ENTPD8: variants seen among roughly 807,000 people sequenced by gnomAD.
ENTPD8 encodes the protein ectonucleoside triphosphate diphosphohydrolase 8, also known as E-NTPDase 8.
Under a neutral mutation model 47.0 loss-of-function variants are expected in ENTPD8, and 35 were observed. That is an observed-to-expected ratio of 0.75 (90% CI 0.57 to 0.99). ENTPD8 has a LOEUF of 0.99. Among genes scored for constraint, ENTPD8 ranks in the 50% least tolerant of loss-of-function variants. The pLI, the probability that ENTPD8 is intolerant of heterozygous loss-of-function variation, is 0.00. For synonymous variants in ENTPD8, 308 were observed against 290.5 expected, an observed-to-expected ratio of 1.06 and a Z score of -0.61; for missense variants, 668 against 649.9, an observed-to-expected ratio of 1.03 and a Z score of -0.30.
At position 137,436,902 on chromosome 9, in the gene ENTPD8, G is replaced by C; in HGVS notation, c.522C>G (p.Ile174Met). 6.2e-7 allele frequency: 1 copy of C among 1,613,040 alleles called. No homozygotes were observed. The highest frequency in any genetic ancestry group is 8.5e-7 in the Non-Finnish European group (1 of 1,179,956). Residue 174 changes from isoleucine to methionine, a missense_variant, in exon 5 of 10, where the codon ATC (isoleucine) becomes ATG (methionine). Ile to Met is a conservative substitution (Grantham distance 10). Transcript: ENST00000371506. ...GCGTCCCCAAGCCGTAGTTGACAGT[G>C]ATCCAACCAAAGGCACCTTCGGCCT... Reference protein sequence around the residue: ...AGQAEGAFGWITVNYGLGTLV... With the variant: ...AGQAEGAFGWMTVNYGLGTLV...
At chr9:137,435,959 C>T (rs1839337453) in intron 7 of ENTPD8, 54 bp downstream of exon 7, 2 of 1,605,696 alleles carry the variant, frequency 1.2e-6, no homozygotes, top group Admixed American at 1.7e-5. Context: ...AGACAGGCAC[C>T]TGAGGCCTCA....
chr9:137,437,159 C>T lies in ENTPD8; in HGVS notation c.395G>A (p.Ser132Asn). 6.2e-7 allele frequency: 1 copy of T among 1,612,512 alleles called. No individual in the cohort carries two copies. The highest frequency in any genetic ancestry group is 8.5e-7 in the Non-Finnish European group (1 of 1,179,842). ...LGATAGMRLL[S>N]RKNSSQARDI... ...GGTGCCAAGGCCATGCCTGCCTCAC[C>T]TGAGCAACCTCATGCCAGCCGTGGC... Residue 132 changes from serine (S) to asparagine (N), a missense_variant and splice_region_variant, in exon 4 of 10, where the codon AGC becomes AAC. Coordinates refer to ENST00000371506, the MANE Select transcript of ENTPD8 (RefSeq NM_001033113.2).
At chr9:137,435,684 C>G (rs774819567) in intron 8 of ENTPD8, 35 bp downstream of exon 8, 3 of 1,577,944 alleles carry the variant, frequency 1.9e-6, no homozygotes, top group East Asian at 2.2e-5. Flanking sequence ...CCTCAGGGAC[C>G]CTCGCTGCAG....
intron 1 of ENTPD8, among the ~76,000 whole-genome samples, chr9:137,439,067 G>A (rs1318707123): frequency 6.6e-6 from 1 of 152,106 alleles, no homozygotes; most frequent in Non-Finnish European, 1.5e-5. Flanking sequence ...GGTGAACCCA[G>A]GGTGAGGCCA....
Position 137,434,715 on chromosome 9 carries a change from T to C in ENTPD8, c.*199A>G, listed in dbSNP as rs1024312487. On this transcript the variant is annotated 3_prime_UTR_variant, in exon 10 of 10. Coordinates refer to ENST00000371506, the MANE Select transcript of ENTPD8 (RefSeq NM_001033113.2). ...CTGGAAGCCCAGTTGCGGAAGGAGG[T>C]TGGGGGAGGGACGCCGGGAGGGGAG... The C allele has an allele frequency of 5.7e-6, 4 of 702,902 alleles. No individual in the cohort carries two copies. Among genetic ancestry groups the C allele is most frequent in the Admixed American group, 3.2e-5 (1 of 31,406 alleles). 43.5% of individuals were successfully genotyped at this position (702,902 alleles called of 1,614,324 possible). A position where few individuals can be genotyped will look rare whatever the true frequency, so the allele number is the denominator to read the frequency against.
chr9:137,441,294 G>A lies in ENTPD8; in HGVS notation c.-29C>T. The A allele has an allele frequency of 3.7e-6, 1 of 270,892 alleles. No homozygotes were observed. Among genetic ancestry groups the A allele is most frequent in the Non-Finnish European group, 7.6e-6 (1 of 131,284 alleles). 16.8% of individuals were successfully genotyped at this position (270,892 alleles called of 1,614,324 possible). On this transcript the variant is annotated 5_prime_UTR_variant, in exon 1 of 10. Transcript: ENST00000371506. Reference sequence around the variant, plus strand: ...TCCCTTTGGACCCTCACCTGGGCTGGCTGCCCACTTCCCGGAGCGGCAAGG... The same window carrying A: ...TCCCTTTGGACCCTCACCTGGGCTGACTGCCCACTTCCCGGAGCGGCAAGG...
Position 137,437,177 on chromosome 9 carries a change from G to A in ENTPD8, c.377C>T (p.Ala126Val), listed in dbSNP as rs779009511. The change falls in exon 4 of 10, where the codon GCT (alanine) becomes GTT (valine). Residue 126 changes from alanine (A) to valine (V), a missense_variant. Transcript: ENST00000371506. The stretch of plus-strand genomic sequence containing the variant: ...GCCTCACCTGAGCAACCTCATGCCA[G>A]CCGTGGCCCCCAGGAACGTGGGTGT... ...RKTPTFLGAT[A>V]GMRLLSRKNS... 8.7e-6 allele frequency: 14 copies of A among 1,612,902 alleles called. No individual in the cohort carries two copies. Among genetic ancestry groups the A allele is most frequent in the Admixed American group, 8.3e-5 (5 of 60,020 alleles).
Position 137,438,075 on chromosome 9 carries a change from C to T in ENTPD8, c.136G>A (p.Val46Met), listed in dbSNP as rs574630684. 4.3e-5 allele frequency: 69 copies of T among 1,612,714 alleles called. No individual in the cohort carries two copies. The highest frequency in any genetic ancestry group is 2.5e-4 in the Admixed American group (15 of 59,964). ...GTGTGGGAGGAGCCCGCATCAAACA[C>T]GATCCCAAACTGGGGAGACAGTGGG... The part of the protein sequence containing the change: ...LLPTDIKFGI[V>M]FDAGSSHTSL... Residue 46 changes from valine to methionine, a missense_variant, in exon 3 of 10, where the codon GTG becomes ATG. Physicochemically the swap from Val to Met is conservative, Grantham distance 21. Transcript: ENST00000371506. The surrounding 1 kb of genome is among the most constrained non-coding windows in gnomAD (Gnocchi z 5.7).
rs750951232 is a variant in ENTPD8, at chr9:137,438,040, G to A, written c.171C>T (p.Phe57=). ...CCTTGTTCGCCAGCCACTGATACAGGAAGAGGGACGTGTGGGAGGAGCCCG... is the reference window on the plus strand; with the variant it reads ...CCTTGTTCGCCAGCCACTGATACAGAAAGAGGGACGTGTGGGAGGAGCCCG... The part of the protein sequence containing the change: ...FDAGSSHTSL[F]LYQWLANKEN... The change falls in exon 3 of 10, where the codon TTC becomes TTT. Residue 57 remains phenylalanine, a synonymous_variant. Transcript: ENST00000371506. This position sits in a 1 kb window ranked among gnomAD's most constrained non-coding sequence, Gnocchi z 5.7. 7.4e-6 allele frequency: 12 copies of A among 1,612,910 alleles called. No homozygotes were observed. Among genetic ancestry groups the A allele is most frequent in the Non-Finnish European group, 1.0e-5 (12 of 1,179,898 alleles).
rs202059855 is a variant in ENTPD8, at chr9:137,436,915, G to C, written c.509C>G (p.Ala170Gly). Residue 170 changes from alanine (A) to glycine (G), a missense_variant, in exon 5 of 10, where the codon GCC becomes GGC. Coordinates refer to ENST00000371506, the MANE Select transcript of ENTPD8 (RefSeq NM_001033113.2). ...GTAGTTGACAGTGATCCAACCAAAG[G>C]CACCTTCGGCCTGCCCGGCCAGGAG... Reference protein sequence around the residue: ...AELLAGQAEGAFGWITVNYGL... With the variant: ...AELLAGQAEGGFGWITVNYGL... 2.5e-6 allele frequency: 4 copies of C among 1,613,030 alleles called. No individual in the cohort carries two copies. The highest frequency in any genetic ancestry group is 2.2e-5 in the East Asian group (1 of 44,874).
chr9:137,437,401 G>C, intron 3 of ENTPD8, 92 bp from the exon 4 acceptor site: 1 of 1,478,070 alleles, frequency 6.8e-7, no homozygotes, highest in Non-Finnish European at 9.1e-7. Context: ...CATGCCCCCT[G>C]GTGCAGCCAC....
At position 137,435,993 on chromosome 9, in the gene ENTPD8, G is replaced by A. The variant is rs958249621; in HGVS notation, c.1050+20C>T. Reference sequence around the variant, plus strand: ...CACAAGGAAGCCCGGACCCCTGGTGGGGGCAGTGTAGGTGCTCACATAGAA... The same window carrying A: ...CACAAGGAAGCCCGGACCCCTGGTGAGGGCAGTGTAGGTGCTCACATAGAA... On this transcript the variant is annotated intron_variant, in intron 7 of 9. Transcript: ENST00000371506. The A allele has an allele frequency of 4.3e-6, 7 of 1,610,480 alleles. No individual in the cohort carries two copies. The highest frequency in any genetic ancestry group is 1.7e-5 in the Admixed American group (1 of 59,942).
chr9:137,439,885 C>G (rs1399204049), intron 1 of ENTPD8, among the ~76,000 whole-genome samples: 2 of 138,344 alleles, frequency 1.4e-5, no homozygotes, highest in African/African-American at 5.3e-5. Flanking sequence ...AAAGCGCCCC[C>G]CAGACCAGAA....
chr9:137,439,632 T>C (rs1839465156), intron 1 of ENTPD8, among the ~76,000 whole-genome samples: 1 of 151,750 alleles, frequency 6.6e-6, no homozygotes, highest in Non-Finnish European at 1.5e-5. Context: ...AGGAGGCCGG[T>C]CCAGCCCAGA....
chr9:137,437,075 C>T (rs200175060), intron 4 of ENTPD8, 47 bp from the exon 5 acceptor site: 733 of 1,601,834 alleles, frequency 4.6e-4, no homozygotes, highest in South Asian at 1.3e-3. Context: ...AGCCTGGGCC[C>T]GGCCCCACCC....
At position 137,438,769 on chromosome 9, in the gene ENTPD8, G is replaced by T. The variant is rs1242450836; in HGVS notation, c.-20-464C>A. 2.0e-5 allele frequency among the ~76,000 whole-genome samples: 3 copies of T among 152,216 alleles called. No individual in the cohort carries two copies. The Middle Eastern group carries it at 0.01, about 518-fold the overall frequency. On this transcript the variant is annotated intron_variant, in intron 1 of 9. Coordinates refer to ENST00000371506, the MANE Select transcript of ENTPD8 (RefSeq NM_001033113.2). This position sits in a 1 kb window ranked among gnomAD's most constrained non-coding sequence, Gnocchi z 5.7. ...AGGGCCCTGTGGGAGGGGGGCGGGG[G>T]GCAGCAGAGGCCTCGTCTGGGGACA...
At position 137,436,287 on chromosome 9, in the gene ENTPD8, C is replaced by T. The variant is rs1377362261; in HGVS notation, c.787-11G>A. 2 of 1,563,148 alleles carry T rather than the reference C, an allele frequency of 1.3e-6. No individual in the cohort carries two copies. Among genetic ancestry groups the T allele is most frequent in the East Asian group, 2.3e-5 (1 of 44,226 alleles). On this transcript the variant is annotated splice_polypyrimidine_tract_variant and intron_variant, in intron 6 of 9. Coordinates refer to ENST00000371506, the MANE Select transcript of ENTPD8 (RefSeq NM_001033113.2). ...GGCAGCCGGGCGGCTCTGCAGAGGG[C>T]AGGGAGGCCTGAGCACCAGCCGCAC...
rs969380977 is a variant in ENTPD8 at position 137,435,432 on chromosome 9, GACA to G, written c.1162-97_1162-95del. ...CTGTCCTGGCCAACCTGAGCACGCA[GACA>G]ACAAGAGGGTGCCGGGCAGTGGTAG... On this transcript the variant is annotated intron_variant, in intron 8 of 9. Transcript: ENST00000371506. 5.9e-5 allele frequency: 89 copies of G among 1,505,842 alleles called. 1 individual carries two copies. In the Middle Eastern group the frequency reaches 2.0e-3, roughly 33 times the overall value. 93.3% of individuals were successfully genotyped at this position (1,505,842 alleles called of 1,614,324 possible).
At chr9:137,437,944 G>A (rs200099005) in intron 3 of ENTPD8, 23 bp downstream of exon 3, 46 of 1,591,520 alleles carry the variant, frequency 2.9e-5, no homozygotes, top group African/African-American at 8.1e-5. Context: ...TCCCAGCACC[G>A]GGCTGCAGAA....
Sources: allele counts gnomAD v4.1 joint callset (sites outside exome capture counted in the v4.1 genomes callset), GRCh38; gene constraint gnomAD v4.1.1; non-coding constraint Gnocchi (gnomAD v3.1); transcripts MANE v1.5; gene names NCBI Gene and HGNC (gene_info 2026-07-23, HGNC 2026-07-21).